The following CSMD1 variants were observed in gnomAD, a reference collection of about 807,000 sequenced individuals.
CSMD1 encodes the protein CUB and Sushi multiple domains 1.
In CSMD1, 213 loss-of-function variants were observed where a neutral mutation model predicts 417.5. The observed-to-expected ratio is 0.51, with a 90% CI of 0.46 to 0.57. The LOEUF (loss-of-function observed/expected upper bound fraction) is 0.57. CSMD1 is among the 20% of genes least tolerant of loss of function. The probability of loss-of-function intolerance (pLI) is 0.00; values close to 1 mark genes in which losing one functional copy is unlikely to be tolerated. For synonymous variants in CSMD1, 2,862 were observed against 1,736.8 expected (o/e 1.65, Z -16.11); for missense variants, 6,923 against 4,529.7 (o/e 1.53, Z -15.17).
chr8:4,531,981 GAAAGAGAAATCCTGCACCCC>G (rs1796841044), intron 2 of CSMD1, among the ~76,000 whole-genome samples: 1 of 84,510 alleles, frequency 1.2e-5, no homozygotes. Flanking sequence ...CAGTCACTCC[GAAAGAGAAATCCTGCACCCC>G]CATTCAGTCA....
At chr8:4,711,347 T>C (rs1274146677) in intron 1 of CSMD1, among the ~76,000 whole-genome samples, 1 of 152,188 alleles carries the variant, frequency 6.6e-6, no homozygotes, top group Non-Finnish European at 1.5e-5. Context: ...GACTATTTAT[T>C]GATAGCCAAA....
intron 3 of CSMD1, among the ~76,000 whole-genome samples, chr8:4,201,016 G>A (rs1313096409): frequency 1.3e-5 from 2 of 152,130 alleles, no homozygotes. Context: ...CAGTGTGGAA[G>A]GCATCATGAG....
At chr8:4,053,305 A>G (rs888673984) in intron 3 of CSMD1, among the ~76,000 whole-genome samples, 1 of 152,202 alleles carries the variant, frequency 6.6e-6, no homozygotes, top group Non-Finnish European at 1.5e-5. Context: ...AGCATTGCGA[A>G]TGCATGAGAA....
chr8:4,164,959 T>A (rs986755372), intron 3 of CSMD1, among the ~76,000 whole-genome samples: 2 of 152,130 alleles, frequency 1.3e-5, no homozygotes, highest in Non-Finnish European at 2.9e-5. Flanking sequence ...CTGTTTCAAC[T>A]GAGCAGTAGG....
chr8:2,994,987 A>C (rs1806753054), intron 54 of CSMD1, among the ~76,000 whole-genome samples: 1 of 152,224 alleles, frequency 6.6e-6, no homozygotes. Flanking sequence ...GAACACTTCA[A>C]GATCTAGGTC....
chr8:4,264,590 C>A (rs1041537058), intron 3 of CSMD1, among the ~76,000 whole-genome samples: 2 of 152,110 alleles, frequency 1.3e-5, no homozygotes, highest in African/African-American at 2.4e-5. Context: ...ACTGGTTCCT[C>A]GGCGTTCTAG....
intron 26 of CSMD1, among the ~76,000 whole-genome samples, chr8:3,262,671 A>G (rs1042112256): frequency 3.3e-5 from 5 of 152,194 alleles, no homozygotes; most frequent in African/African-American, 1.2e-4. Flanking sequence ...GACATTATTC[A>G]AGCAAACATG....
chr8:3,544,518 C>T (rs905209652), intron 10 of CSMD1, among the ~76,000 whole-genome samples: 1 of 152,068 alleles, frequency 6.6e-6, no homozygotes, highest in African/African-American at 2.4e-5. Context: ...CTTGCCTTTG[C>T]TTTTGCACTG....
intron 3 of CSMD1, among the ~76,000 whole-genome samples, chr8:4,040,906 C>G (rs184416662): frequency 6.6e-6 from 1 of 152,082 alleles, no homozygotes; most frequent in East Asian, 1.9e-4. Flanking sequence ...TGAGAAGCAT[C>G]ATGAATATTT....
intron 20 of CSMD1, among the ~76,000 whole-genome samples, chr8:3,360,905 G>C (rs6986517): frequency 6.7e-6 from 1 of 150,076 alleles, no homozygotes; most frequent in Non-Finnish European, 1.5e-5. Flanking sequence ...TTGTCACTGA[G>C]ATCTCATACC....
chr8:4,694,914 A>G (rs1183409656), intron 1 of CSMD1, among the ~76,000 whole-genome samples: 1 of 152,118 alleles, frequency 6.6e-6, no homozygotes, highest in Non-Finnish European at 1.5e-5. Flanking sequence ...ATCTATAGCC[A>G]AGGAAACTTC....
chr8:4,628,767 C>G (rs549653105), intron 2 of CSMD1, among the ~76,000 whole-genome samples: 1 of 152,092 alleles, frequency 6.6e-6, no homozygotes, highest in African/African-American at 2.4e-5. Context: ...CTTGGAGGAG[C>G]TTCCCACAGC....
At chr8:4,899,973 C>T (rs1258577202) in intron 1 of CSMD1, among the ~76,000 whole-genome samples, 1 of 152,124 alleles carries the variant, frequency 6.6e-6, no homozygotes. Flanking sequence ...ATAAATGGGT[C>T]TTATTTTTAG....
At position 4,534,004 on chromosome 8, in the gene CSMD1, A is replaced by G. The variant is rs551702376; in HGVS notation, c.302+103338T>C. Among the ~76,000 whole-genome samples the G allele has an allele frequency of 4.0e-4, 61 of 151,546 alleles. 1 individual carries two copies. The highest frequency in any genetic ancestry group is 8.3e-4 in the Non-Finnish European group (56 of 67,860). On this transcript the variant is annotated intron_variant, in intron 2 of 69. Coordinates refer to ENST00000635120, the MANE Select transcript of CSMD1 (RefSeq NM_033225.6). ...AGGGCAGATTTGTCAGTCTATAGGTATAACATTTGTGGATAAACAGAACAG... is the reference window on the plus strand; with the variant it reads ...AGGGCAGATTTGTCAGTCTATAGGTGTAACATTTGTGGATAAACAGAACAG...
intron 2 of CSMD1, among the ~76,000 whole-genome samples, chr8:4,614,693 C>T (rs912562742): frequency 6.6e-6 from 1 of 152,046 alleles, no homozygotes; most frequent in Non-Finnish European, 1.5e-5. Flanking sequence ...TGCACGAATG[C>T]ACACCATTCA....
intron 3 of CSMD1, among the ~76,000 whole-genome samples, chr8:4,152,671 C>A (rs562299717): frequency 2.0e-5 from 3 of 151,778 alleles, no homozygotes; most frequent in Non-Finnish European, 4.4e-5. Context: ...ACCCAAGCAA[C>A]AGAGCGAGAC....
intron 3 of CSMD1, among the ~76,000 whole-genome samples, chr8:4,247,925 G>T (rs1024679580): frequency 2.0e-5 from 3 of 152,058 alleles, no homozygotes; most frequent in African/African-American, 7.2e-5. Flanking sequence ...TGTGATGTAG[G>T]TACATTAATC....
At chr8:4,147,434 C>G (rs927723978) in intron 3 of CSMD1, among the ~76,000 whole-genome samples, 2 of 152,122 alleles carry the variant, frequency 1.3e-5, no homozygotes, top group Admixed American at 1.3e-4. Flanking sequence ...TTTCCACCTA[C>G]CTTCTGGAAA....
At chr8:4,844,515 C>G (rs1376542295) in intron 1 of CSMD1, among the ~76,000 whole-genome samples, 1 of 152,120 alleles carries the variant, frequency 6.6e-6, no homozygotes, top group Non-Finnish European at 1.5e-5. Flanking sequence ...GCGTCAAGGT[C>G]AGGACTGCCT....
Sources: allele counts gnomAD v4.1 joint callset (sites outside exome capture counted in the v4.1 genomes callset), GRCh38; gene constraint gnomAD v4.1.1; transcripts MANE v1.5; gene names NCBI Gene and HGNC (gene_info 2026-07-23, HGNC 2026-07-21).